The following PTBP1 variants were observed in gnomAD, a reference collection of about 807,000 sequenced individuals.
PTBP1 encodes the protein polypyrimidine tract-binding protein 1.
PTBP1 carries 8 observed loss-of-function variants against 59.8 expected under a neutral mutation model. That is an observed-to-expected ratio of 0.13 (90% confidence interval 0.08 to 0.24). PTBP1 has a LOEUF of 0.24. PTBP1 is among the 10% of genes least tolerant of loss of function. The pLI, the probability that PTBP1 is intolerant of heterozygous loss-of-function variation, is 1.00. For synonymous variants in PTBP1, 490 were observed against 320.7 expected (o/e 1.53, Z -5.64); for missense variants, 686 against 767.0 (o/e 0.89, Z 1.25).
At chr19:800,101 A>T (rs1029916572) in intron 2 of PTBP1, among the ~76,000 whole-genome samples, 1,528 of 131,472 alleles carry the variant, frequency 0.012, 30 homozygotes, top group African/African-American at 0.04. Flanking sequence ...TAATTTTTGT[A>T]TTTTTTTTTT....
chr19:805,648 G>A, intron 9 of PTBP1, 79 bp downstream of exon 9: 1 of 1,271,884 alleles, frequency 7.9e-7, no homozygotes, highest in Admixed American at 1.7e-5. Context: ...ATCCACGGCG[G>A]CAGCCTGGGC....
chr19:808,283 G>A lies in PTBP1; in HGVS notation c.1154-77G>A, dbSNP rs2034670798. On this transcript the variant is annotated intron_variant, in intron 11 of 14. Coordinates refer to ENST00000356948, the MANE Select transcript of PTBP1 (RefSeq NM_002819.5). The surrounding 1 kb of genome is among the most constrained non-coding windows in gnomAD (Gnocchi z 4.7). ...GGGCTGAGCCGGGCCTTGTGGGGGT[G>A]CGCGGGGCCGGGGCTGACGGGGAGA... 6 of 1,245,020 alleles carry A rather than the reference G, an allele frequency of 4.8e-6. No individual in the cohort carries two copies. Among genetic ancestry groups the A allele is most frequent in the Middle Eastern group, 2.6e-4 (1 of 3,800 alleles). The allele number at this position is 1,245,020 out of a possible 1,614,324, so 77.1% of individuals were successfully genotyped here. A position where few individuals can be genotyped will look rare whatever the true frequency, so the allele number is the denominator to read the frequency against.
chr19:807,630 C>G, intron 10 of PTBP1: 1 of 486,618 alleles, frequency 2.1e-6, no homozygotes, highest in Non-Finnish European at 3.6e-6. Context: ...CTTCTGCTTC[C>G]TGTTGTTGCT....
intron 1 of PTBP1, 160 bp from the exon 2 acceptor site, chr19:799,253 C>G (rs901903786): frequency 1.7e-5 from 13 of 774,766 alleles, no homozygotes; most frequent in Non-Finnish European, 2.6e-5. Flanking sequence ...CTTCCCTGCC[C>G]TTCTGAGCTT....
Position 808,427 on chromosome 19 carries a change from G to A in PTBP1, c.1221G>A (p.Met407Ile). ...FNKKENALVQMADGNQAQLAM... is the reference protein window; with the variant it reads ...FNKKENALVQIADGNQAQLAM... Reference sequence around the variant, plus strand: ...AGAAGGAGAACGCCCTAGTGCAGATGGCGGACGGCAACCAGGCCCAGCTGG... The same window carrying A: ...AGAAGGAGAACGCCCTAGTGCAGATAGCGGACGGCAACCAGGCCCAGCTGG... The change falls in exon 12 of 15, where the codon ATG becomes ATA. Residue 407 changes from methionine to isoleucine, a missense_variant. Transcript: ENST00000356948. This position sits in a 1 kb window ranked among gnomAD's most constrained non-coding sequence, Gnocchi z 4.7. 1 of 1,606,628 alleles carries A rather than the reference G, an allele frequency of 6.2e-7. No individual in the cohort carries two copies. Among genetic ancestry groups the A allele is most frequent in the Non-Finnish European group, 8.5e-7 (1 of 1,177,790 alleles).
At chr19:806,859 C>T in intron 10 of PTBP1, 1 of 259,440 alleles carries the variant, frequency 3.9e-6, no homozygotes, top group Non-Finnish European at 7.3e-6. Context: ...GTTCAGAGCC[C>T]CAGCAGGCCG....
intron 13 of PTBP1, among the ~76,000 whole-genome samples, chr19:809,510 C>T (rs992811429): frequency 3.3e-5 from 5 of 151,976 alleles, no homozygotes; most frequent in South Asian, 2.1e-4. Context: ...TTAGTGGAAA[C>T]GGGGTTTCAC....
intron 2 of PTBP1, 136 bp from the exon 3 acceptor site, chr19:803,425 C>T (rs932965340): frequency 3.7e-5 from 26 of 709,424 alleles, no homozygotes; most frequent in Admixed American, 2.1e-4. Context: ...GCTGCCCTGC[C>T]GTGGAAGTGT....
chr19:808,251 C>G lies in PTBP1; in HGVS notation c.1154-109C>G, dbSNP rs1233832025. 1.0e-6 allele frequency: 1 copy of G among 955,566 alleles called. No homozygotes were observed. Among genetic ancestry groups the G allele is most frequent in the Non-Finnish European group, 1.6e-6 (1 of 620,160 alleles). 59.2% of individuals were successfully genotyped at this position (955,566 alleles called of 1,614,324 possible). On this transcript the variant is annotated intron_variant, in intron 11 of 14. Transcript: ENST00000356948. The surrounding 1 kb of genome is among the most constrained non-coding windows in gnomAD (Gnocchi z 4.7). ...GCTCCGCAGTGGCCGATAAAGCAAA[C>G]CCGGCCGGGCTGAGCCGGGCCTTGT...
chr19:805,823 C>T (rs756138806), intron 9 of PTBP1: 26 of 527,640 alleles, frequency 4.9e-5, no homozygotes, highest in East Asian at 1.3e-4. Context: ...TGGTCTGGTT[C>T]CCTTCAAGCA....
intron 9 of PTBP1, chr19:805,881 G>GT: frequency 4.9e-6 from 2 of 411,040 alleles, no homozygotes; most frequent in South Asian, 4.9e-5. Context: ...GATGTCTCTA[G>GT]TAGTTGAATT....
chr19:806,208 G>C (rs11549878), intron 9 of PTBP1, 200 bp from the exon 10 acceptor site: 3 of 518,024 alleles, frequency 5.8e-6, no homozygotes, highest in Non-Finnish European at 9.9e-6. Flanking sequence ...GCTGTGAGGA[G>C]AGGCGGGCGC....
rs368360037 is a variant in PTBP1, at chr19:810,859, G to A, written c.*33G>A. The A allele has an allele frequency of 1.2e-4, 179 of 1,500,858 alleles. No homozygotes were observed. In the African/African-American group the frequency reaches 2.1e-3, roughly 17 times the overall value. 93.0% of individuals were successfully genotyped at this position (1,500,858 alleles called of 1,614,324 possible). ...GGCCCCCACGGCCGGGCCCCCTGGC[G>A]ACAACTTCCATCATTCCAGAGAAAA... On this transcript the variant is annotated 3_prime_UTR_variant, in exon 15 of 15. Transcript: ENST00000356948.
Position 804,496 on chromosome 19 carries a change from G to A in PTBP1, c.436-36G>A, listed in dbSNP as rs544781240. Reference sequence around the variant, plus strand: ...GGGGACCTCGGGGGTGGGCCCAGCCGCAGGGGCCGGGGACTCACGGCTGTG... The same window carrying A: ...GGGGACCTCGGGGGTGGGCCCAGCCACAGGGGCCGGGGACTCACGGCTGTG... On this transcript the variant is annotated intron_variant, in intron 5 of 14. Coordinates refer to ENST00000356948, the MANE Select transcript of PTBP1 (RefSeq NM_002819.5). The A allele has an allele frequency of 2.7e-4, 425 of 1,592,318 alleles. 3 individuals are homozygous for A. The South Asian group carries it at 4.4e-3, about 16-fold the overall frequency.
At chr19:799,319 G>C (rs765532015) in intron 1 of PTBP1, 94 bp from the exon 2 acceptor site, 1 of 1,152,404 alleles carries the variant, frequency 8.7e-7, no homozygotes, top group Non-Finnish European at 1.3e-6. Context: ...GCAGCTGCAG[G>C]GACCTACGGG....
At chr19:798,583 C>G (rs556327632) in intron 1 of PTBP1, 1 of 152,272 alleles carries the variant, frequency 6.6e-6, no homozygotes, top group Non-Finnish European at 1.5e-5. Context: ...GCTCCCCGCT[C>G]TCGGACCCAG....
intron 11 of PTBP1, 91 bp downstream of exon 11, chr19:807,993 ACT>A (rs2034657392): frequency 1.7e-6 from 2 of 1,186,028 alleles, no homozygotes; most frequent in Non-Finnish European, 1.3e-6. Context: ...GCGGTTTGGC[ACT>A]CTGATGCTCC....
Position 808,970 on chromosome 19 carries a change from C to T in PTBP1, c.1463+208C>T, listed in dbSNP as rs978160119. On this transcript the variant is annotated intron_variant, in intron 13 of 14. Transcript: ENST00000356948. This position sits in a 1 kb window ranked among gnomAD's most constrained non-coding sequence, Gnocchi z 4.7. ...GTTGGACACTTTGGAGGTTTTGGCT[C>T]AGGGGATGCTCCCTGTGAGAATGTA... Among the ~76,000 whole-genome samples the T allele has an allele frequency of 1.3e-5, 2 of 152,166 alleles. No homozygotes were observed. Among genetic ancestry groups the T allele is most frequent in the African/African-American group, 4.8e-5 (2 of 41,440 alleles).
chr19:801,478 C>T lies in PTBP1; in HGVS notation c.39+2035C>T, dbSNP rs375894323. Among the ~76,000 whole-genome samples the T allele has an allele frequency of 1.2e-3, 176 of 152,352 alleles. 2 individuals are homozygous for T. Among genetic ancestry groups the T allele is most frequent in the South Asian group, 5.6e-3 (27 of 4,826 alleles). On this transcript the variant is annotated intron_variant, in intron 2 of 14. Transcript: ENST00000356948. ...GCTTCAGGCAGGCGGCCAAGAGGAC[C>T]GCTCAGAGGAAGCGGCCCCGCCCAC...
Sources: allele counts gnomAD v4.1 joint callset (sites outside exome capture counted in the v4.1 genomes callset), GRCh38; gene constraint gnomAD v4.1.1; non-coding constraint Gnocchi (gnomAD v3.1); transcripts MANE v1.5; gene names NCBI Gene and HGNC (gene_info 2026-07-23, HGNC 2026-07-21).